KIF26B: variants seen among roughly 807,000 people sequenced by gnomAD.
The protein encoded by KIF26B is kinesin-like protein KIF26B.
In KIF26B, 63 loss-of-function variants were observed where a neutral mutation model predicts 151.2. The observed-to-expected ratio is 0.42, with a 90% confidence interval of 0.34 to 0.51. The LOEUF (loss-of-function observed/expected upper bound fraction) is 0.51. Ranked by LOEUF, KIF26B falls within the 20% of genes least tolerant of loss-of-function variation. The pLI, the probability that KIF26B is intolerant of heterozygous loss-of-function variation, is 0.07. For missense variants in KIF26B, 2,813 were observed against 2,913.6 expected (o/e 0.97, Z 0.79); for synonymous variants, 1,357 against 1,262.1 (o/e 1.08, Z -1.59).
chr1:245,371,036 G>A (rs763663157), intron 3 of KIF26B, among the ~76,000 whole-genome samples: 8 of 152,114 alleles, frequency 5.3e-5, no homozygotes, highest in African/African-American at 1.2e-4. Context: ...CGCCCGATGT[G>A]GCAAAGCCAG....
Position 245,606,044 on chromosome 1 carries a change from C to T in KIF26B, c.1558-1607C>T, listed in dbSNP as rs899841367. 3.3e-5 allele frequency among the ~76,000 whole-genome samples: 5 copies of T among 152,176 alleles called. No individual in the cohort carries two copies. The highest frequency in any genetic ancestry group is 2.1e-4 in the South Asian group (1 of 4,828). On this transcript the variant is annotated intron_variant, in intron 6 of 14. Transcript: ENST00000407071. This position sits in a 1 kb window ranked among gnomAD's most constrained non-coding sequence, Gnocchi z 4.6. ...CAGCCTTCTGCCTGCTCTGCAGACA[C>T]GCCTCTGGCAAATTCCATCAAGACG... is the stretch of plus-strand genomic sequence containing the variant.
In KIF26B at chr1:245,563,643, T is replaced by G. The variant is rs1258942926; in HGVS notation, c.1350+22693T>G. On this transcript the variant is annotated intron_variant, in intron 5 of 14. Transcript: ENST00000407071. This position sits in a 1 kb window ranked among gnomAD's most constrained non-coding sequence, Gnocchi z 4.6. ...TCGGGAGTGGGGCTGCTTGAGACTG[T>G]GGGAACGATGTTTTCGTTAAGAATG... Among the ~76,000 whole-genome samples, 1 of 152,196 alleles carries G rather than the reference T, an allele frequency of 6.6e-6. No homozygotes were observed. Among genetic ancestry groups the G allele is most frequent in the Non-Finnish European group, 1.5e-5 (1 of 68,028 alleles).
At chr1:245,311,909 G>T (rs1030086130) in intron 2 of KIF26B, among the ~76,000 whole-genome samples, 5 of 152,210 alleles carry the variant, frequency 3.3e-5, no homozygotes, top group African/African-American at 7.2e-5. Context: ...CAGCCTGGGC[G>T]ACAGAGCAAG....
At chr1:245,285,953 G>A (rs149123146) in intron 2 of KIF26B, among the ~76,000 whole-genome samples, 2,007 of 146,396 alleles carry the variant, frequency 0.014, 45 homozygotes, top group African/African-American at 0.049. Flanking sequence ...GAGCTATATG[G>A]CACCACTGCA....
intron 4 of KIF26B, among the ~76,000 whole-genome samples, chr1:245,479,770 C>A (rs1366514011): frequency 1.3e-5 from 2 of 151,664 alleles, no homozygotes; most frequent in African/African-American, 4.8e-5. Context: ...GCTGACTGGT[C>A]CAGAAACCGT....
chr1:245,439,357 A>AG (rs1553274573), intron 4 of KIF26B, among the ~76,000 whole-genome samples: 2 of 125,006 alleles, frequency 1.6e-5, no homozygotes, highest in Non-Finnish European at 3.2e-5. Flanking sequence ...AAAAAAAAAA[A>AG]AAAAAAGAAA....
intron 1 of KIF26B, 101 bp downstream of exon 1, chr1:245,155,588 C>A (rs1367478755): frequency 9.2e-7 from 1 of 1,092,494 alleles, no homozygotes; most frequent in Admixed American, 2.8e-5. Flanking sequence ...GAGCTCTCCC[C>A]CGCTGCAGAG....
chr1:245,504,614 AT>A (rs1406411333), intron 4 of KIF26B, among the ~76,000 whole-genome samples: 1 of 151,430 alleles, frequency 6.6e-6, no homozygotes. Flanking sequence ...TAGTTTTTTA[AT>A]TTTTTTGTGC....
chr1:245,440,951 C>T (rs763270753), intron 4 of KIF26B, among the ~76,000 whole-genome samples: 1 of 152,112 alleles, frequency 6.6e-6, no homozygotes, highest in African/African-American at 2.4e-5. Context: ...AGAGCAGATG[C>T]GAGAGGCATT....
At chr1:245,445,872 C>T (rs1178307065) in intron 4 of KIF26B, among the ~76,000 whole-genome samples, 1 of 152,206 alleles carries the variant, frequency 6.6e-6, no homozygotes, top group Non-Finnish European at 1.5e-5. Flanking sequence ...CCATTAGCAT[C>T]CTTCCCTCCC....
intron 3 of KIF26B, among the ~76,000 whole-genome samples, chr1:245,412,801 G>A (rs1312991962): frequency 2.0e-5 from 3 of 152,152 alleles, no homozygotes; most frequent in Non-Finnish European, 4.4e-5. Flanking sequence ...GCTTTATTTC[G>A]ATGTGGCCTG....
At chr1:245,159,802 A>G (rs543138350) in intron 2 of KIF26B, among the ~76,000 whole-genome samples, 1 of 152,266 alleles carries the variant, frequency 6.6e-6, no homozygotes, top group African/African-American at 2.4e-5. Flanking sequence ...TGGTTCCAGG[A>G]GCTAGTGCCT....
At chr1:245,511,079 A>C in intron 4 of KIF26B, 3 of 717,144 alleles carry the variant, frequency 4.2e-6, no homozygotes, top group Admixed American at 2.0e-5. Context: ...TGGATTCTGC[A>C]CTTGATTATT....
chr1:245,673,041 GCCCAGTCCCCACTGCA>G (rs2044308775), intron 10 of KIF26B, among the ~76,000 whole-genome samples: 2 of 151,444 alleles, frequency 1.3e-5, no homozygotes, highest in African/African-American at 4.8e-5. Context: ...GCCATCTTAG[GCCCAGTCCCCACTGCA>G]CGCTGTCATC....
Position 245,496,850 on chromosome 1 carries a change from GA to G in KIF26B, c.1167-43910del, listed in dbSNP as rs147958737. On this transcript the variant is annotated intron_variant, in intron 4 of 14. Coordinates refer to ENST00000407071, the MANE Select transcript of KIF26B (RefSeq NM_018012.4). ...AAAAAGAAGTTGAAGATAAAAGAAT[GA>G]AAAAAAGATATACCTTGTAAATGCC... Among the ~76,000 whole-genome samples, 5 of 151,900 alleles carry G rather than the reference GA, an allele frequency of 3.3e-5. No homozygotes were observed. The South Asian group carries it at 1.0e-3, about 32-fold the overall frequency.
intron 2 of KIF26B, among the ~76,000 whole-genome samples, chr1:245,216,544 T>G (rs1238789640): frequency 1.3e-5 from 2 of 152,218 alleles, no homozygotes; most frequent in Non-Finnish European, 2.9e-5. Flanking sequence ...AGTAACTTGT[T>G]TATTAAGATG....
chr1:245,381,853 C>A (rs1017631528), intron 3 of KIF26B, among the ~76,000 whole-genome samples: 5 of 152,142 alleles, frequency 3.3e-5, no homozygotes, highest in Admixed American at 6.6e-5. Context: ...TGGTCTGTTG[C>A]ACTTGGCATA....
intron 2 of KIF26B, among the ~76,000 whole-genome samples, chr1:245,259,539 G>A (rs12023968): frequency 0.068 from 10,337 of 152,196 alleles, 386 homozygotes; most frequent in African/African-American, 0.094. Context: ...ACTGGGTTTG[G>A]TTGTGCCTGG....
intron 2 of KIF26B, among the ~76,000 whole-genome samples, chr1:245,260,992 CCTTT>C (rs566224310): frequency 8.7e-4 from 132 of 151,988 alleles, no homozygotes; most frequent in African/African-American, 3.1e-3. Context: ...GTCCTTCCTT[CCTTT>C]CCTTCCCTTC....
Sources: gnomAD v4.1 joint callset for allele counts (sites outside exome capture counted in the v4.1 genomes callset) on GRCh38, gnomAD v4.1.1 for gene constraint, Gnocchi (gnomAD v3.1) non-coding constraint, MANE v1.5 for transcripts, NCBI Gene and HGNC (gene_info 2026-07-23, HGNC 2026-07-21) for gene names.